FETUB: variants seen among roughly 807,000 people sequenced by gnomAD.
FETUB encodes fetuin B.
Under a neutral mutation model 30.9 loss-of-function variants are expected in FETUB, and 28 were observed. That is an observed-to-expected ratio of 0.90 (90% CI 0.67 to 1.24). The LOEUF (loss-of-function observed/expected upper bound fraction) is 1.24. Ranked by LOEUF, FETUB falls within the 50% of genes most tolerant of loss-of-function variation. FETUB has a pLI of 0.00. For synonymous variants in FETUB, 186 were observed against 175.9 expected, an observed-to-expected ratio of 1.06 and a Z score of -0.45; for missense variants, 469 against 455.3, an observed-to-expected ratio of 1.03 and a Z score of -0.27.
upstream of FETUB, chr3:186,640,367 C>A: frequency 1.0e-6 from 1 of 967,606 alleles, no homozygotes; most frequent in Non-Finnish European, 1.6e-6. Context: ...CCAGTTGTAA[C>A]AAAACCGCTC....
intron 6 of FETUB, chr3:186,651,528 G>T (rs189380123): frequency 2.3e-5 from 12 of 519,614 alleles, no homozygotes; most frequent in African/African-American, 2.1e-4. Flanking sequence ...CAGAAACAGG[G>T]AACTGCTGGC....
In FETUB at chr3:186,642,514, G is replaced by A. The variant is rs1279758463; in HGVS notation, c.380G>A (p.Ser127Asn). 8.7e-6 allele frequency: 14 copies of A among 1,610,234 alleles called. No individual in the cohort carries two copies. The highest frequency in any genetic ancestry group is 1.3e-5 in the African/African-American group (1 of 74,792). Residue 127 changes from serine to asparagine, a missense_variant, in exon 3 of 7, where the codon AGT becomes AAT. Physicochemically the swap from Ser to Asn is conservative, Grantham distance 46. Transcript: ENST00000265029. The part of the protein sequence containing the change: ...CKAIFYMNNP[S>N]RVLYLAAYNC... ...GCAATATTTTATATGAACAACCCAAGTAGAGTTCTCTATTTAGCTGCTTAT... is the reference window on the plus strand; with the variant it reads ...GCAATATTTTATATGAACAACCCAAATAGAGTTCTCTATTTAGCTGCTTAT...
chr3:186,644,800 AC>A lies in FETUB; in HGVS notation c.477del (p.Thr160LeufsTer51), dbSNP rs1196583105. On this transcript the variant is annotated frameshift_variant, in exon 4 of 7. Coordinates refer to ENST00000265029, the MANE Select transcript of FETUB (RefSeq NM_014375.3). LOFTEE classifies it high-confidence loss of function. The part of the protein sequence containing the change: ...MTCPDCPSSI[P>X]TDSSNHQVLE... Reference sequence around the variant, plus strand: ...CGTGCCCTGACTGCCCAAGCTCCATACCCACTGACTCTTCCAATCACCAAGT... The same window carrying A: ...CGTGCCCTGACTGCCCAAGCTCCATACCACTGACTCTTCCAATCACCAAGT... 2 of 1,613,736 alleles carry A rather than the reference AC, an allele frequency of 1.2e-6. No homozygotes were observed. The highest frequency in any genetic ancestry group is 3.3e-5 in the Admixed American group (2 of 59,930).
chr3:186,644,905 C>T lies in FETUB; in HGVS notation c.579C>T (p.Thr193=). 6.2e-7 allele frequency: 1 copy of T among 1,612,576 alleles called. No individual in the cohort carries two copies. The highest frequency in any genetic ancestry group is 8.5e-7 in the Non-Finnish European group (1 of 1,179,522). Residue 193 remains threonine, a synonymous_variant, in exon 4 of 7, where the codon ACC becomes ACT. Coordinates refer to ENST00000265029, the MANE Select transcript of FETUB (RefSeq NM_014375.3). Reference sequence around the variant, plus strand: ...AGCAGTATTCTCTCTTCAAAGTCACCAGGGCTTCTAGCCAGGTAAGGCTAA... The same window carrying T: ...AGCAGTATTCTCTCTTCAAAGTCACTAGGGCTTCTAGCCAGGTAAGGCTAA... ...TSKQYSLFKV[T]RASSQWVVGP... is the part of the protein sequence containing the mutation.
In FETUB at chr3:186,646,365, T is replaced by A; in HGVS notation, c.696+16T>A. On this transcript the variant is annotated intron_variant, in intron 5 of 6. Coordinates refer to ENST00000265029, the MANE Select transcript of FETUB (RefSeq NM_014375.3). ...CGACTCTGTGGTGAGTTTTCCTGAA[T>A]GTCTTCATAATTTGAGTGTTCACAG... 6.4e-7 allele frequency: 1 copy of A among 1,569,376 alleles called. No homozygotes were observed. The highest frequency in any genetic ancestry group is 8.8e-7 in the Non-Finnish European group (1 of 1,139,498).
At chr3:186,637,522 A>G (rs2108510801), upstream of FETUB, among the ~76,000 whole-genome samples, 1 of 152,334 alleles carries the variant, frequency 6.6e-6, no homozygotes, top group Non-Finnish European at 1.5e-5. Flanking sequence ...TCTCAAATCA[A>G]TAATCCTAAG....
chr3:186,643,892 T>C (rs1400039886), intron 3 of FETUB, among the ~76,000 whole-genome samples: 1 of 152,238 alleles, frequency 6.6e-6, no homozygotes, highest in African/African-American at 2.4e-5. Context: ...GAAATCTGAC[T>C]GTACTTAATG....
In FETUB at chr3:186,640,660, T is replaced by C. The variant is rs1321070218; in HGVS notation, c.200T>C (p.Val67Ala). Residue 67 changes from valine (V) to alanine (A), a missense_variant, in exon 1 of 7, where the codon GTG (valine) becomes GCG (alanine). Transcript: ENST00000265029. ...KDGYVLRLNR[V>A]NDAQEYRRGG... ...GGCTATGTGCTGAGACTCAACCGAG[T>C]GAACGACGCCCAGGAATACAGACGG... 6.2e-7 allele frequency: 1 copy of C among 1,613,798 alleles called. No homozygotes were observed. The highest frequency in any genetic ancestry group is 1.3e-5 in the African/African-American group (1 of 74,870).
chr3:186,645,528 T>C (rs1043364404), intron 4 of FETUB, among the ~76,000 whole-genome samples: 8 of 152,094 alleles, frequency 5.3e-5, no homozygotes, highest in African/African-American at 1.9e-4. Flanking sequence ...GGTCTCACTA[T>C]GTTGCACAGG....
intron 5 of FETUB, among the ~76,000 whole-genome samples, chr3:186,648,253 C>T (rs913204815): frequency 6.6e-6 from 1 of 152,088 alleles, no homozygotes; most frequent in African/African-American, 2.4e-5. Context: ...CTATTCTTTC[C>T]CCCATGTAGT....
chr3:186,644,169 G>T (rs891410188), intron 3 of FETUB, among the ~76,000 whole-genome samples: 1 of 152,030 alleles, frequency 6.6e-6, no homozygotes, highest in Non-Finnish European at 1.5e-5. Flanking sequence ...TTATCTTATT[G>T]TTAACTGTAG....
At position 186,641,076 on chromosome 3, in the gene FETUB, CT is replaced by C. The variant is rs1717014385; in HGVS notation, c.273del (p.Asp92ThrfsTer15). The C allele has an allele frequency of 6.2e-7, 1 of 1,613,864 alleles. No individual in the cohort carries two copies. Among genetic ancestry groups the C allele is most frequent in the African/African-American group, 1.3e-5 (1 of 74,916 alleles). ...LFYLTLDVLE[T>X]DCHVLRKKAW... ...TATCTTACACTGGATGTGCTAGAGA[CT>C]GACTGCCATGTGCTCAGAAAGAAGG... On this transcript the variant is annotated frameshift_variant, in exon 2 of 7. Transcript: ENST00000265029. LOFTEE classifies it high-confidence loss of function.
Position 186,640,597 on chromosome 3 carries a change from G to T in FETUB, c.137G>T (p.Gly46Val). 6.2e-7 allele frequency: 1 copy of T among 1,614,182 alleles called. No homozygotes were observed. Reference sequence around the variant, plus strand: ...GACTCAGATGTGCTGGCAGTTGCAGGCTTTGCCCTGCGGGATATTAACAAA... The same window carrying T: ...GACTCAGATGTGCTGGCAGTTGCAGTCTTTGCCCTGCGGGATATTAACAAA... ...CNDSDVLAVA[G>V]FALRDINKDR... The change falls in exon 1 of 7, where the codon GGC becomes GTC. Residue 46 changes from glycine to valine, a missense_variant. Gly to Val is a moderately radical substitution (Grantham distance 109, BLOSUM62 -3). Transcript: ENST00000265029.
At chr3:186,651,365 C>A in intron 6 of FETUB, 64 bp downstream of exon 6, 1 of 1,042,332 alleles carries the variant, frequency 9.6e-7, no homozygotes, top group Non-Finnish European at 1.5e-6. Context: ...AGTTACCTGC[C>A]ACTACCTTAC....
chr3:186,638,474 G>A, upstream of FETUB, among the ~76,000 whole-genome samples: 1 of 152,142 alleles, frequency 6.6e-6, no homozygotes, highest in Non-Finnish European at 1.5e-5. Flanking sequence ...CTCTTACCGT[G>A]CAGTGGAAGA....
At chr3:186,647,963 A>G (rs1363495471) in intron 5 of FETUB, among the ~76,000 whole-genome samples, 2 of 152,166 alleles carry the variant, frequency 1.3e-5, no homozygotes, top group African/African-American at 4.8e-5. Flanking sequence ...AGGGATCCAG[A>G]ATGCCAAAAT....
At chr3:186,648,179 G>A (rs1276756214) in intron 5 of FETUB, among the ~76,000 whole-genome samples, 1 of 151,980 alleles carries the variant, frequency 6.6e-6, no homozygotes, top group Non-Finnish European at 1.5e-5. Flanking sequence ...TGTGAGGCAG[G>A]GAGTTCAACT....
chr3:186,642,443 T>C (rs1423422547), intron 2 of FETUB, 28 bp from the exon 3 acceptor site: 8 of 1,264,264 alleles, frequency 6.3e-6, no homozygotes, highest in Non-Finnish European at 9.2e-6. Flanking sequence ...GCATTCGCTA[T>C]GTCATAAAAT....
Position 186,645,954 on chromosome 3 carries a change from T to C in FETUB, c.595-294T>C, listed in dbSNP as rs535745799. On this transcript the variant is annotated intron_variant, in intron 4 of 6. Transcript: ENST00000265029. ...GTTGGCCAGGATGGTCTTGATCTCC[T>C]GACCTCGTGATCCGCCCGCCTCGGC... 2.0e-5 allele frequency among the ~76,000 whole-genome samples: 3 copies of C among 150,522 alleles called. No individual in the cohort carries two copies. The South Asian group carries it at 6.3e-4, about 32-fold the overall frequency.
Sources: gnomAD v4.1 joint callset for allele counts (sites outside exome capture counted in the v4.1 genomes callset) on GRCh38, gnomAD v4.1.1 for gene constraint, MANE v1.5 for transcripts, NCBI Gene and HGNC (gene_info 2026-07-23, HGNC 2026-07-21) for gene names.